Variants in PAPSS1 observed in about 807,000 individuals in gnomAD.
PAPSS1 encodes the protein bifunctional 3'-phosphoadenosine 5'-phosphosulfate synthase 1.
A neutral mutation model predicts 72.0 loss-of-function variants in PAPSS1; 50 were observed. That is an observed-to-expected ratio of 0.69 (90% confidence interval 0.55 to 0.88). PAPSS1 has a LOEUF of 0.88. PAPSS1 is among the 40% of genes least tolerant of loss of function. The probability of loss-of-function intolerance (pLI) is 0.00; values close to 1 mark genes in which losing one functional copy is unlikely to be tolerated. For missense variants in PAPSS1, 657 were observed against 782.2 expected, an observed-to-expected ratio of 0.84 and a Z score of 1.91; for synonymous variants, 261 against 263.6, an observed-to-expected ratio of 0.99 and a Z score of 0.09.
chr4:107,660,862 A>C (rs1292639887), intron 5 of PAPSS1, among the ~76,000 whole-genome samples: 1 of 152,190 alleles, frequency 6.6e-6, no homozygotes, highest in Non-Finnish European at 1.5e-5. Context: ...GGCTTTTCAT[A>C]CATGTGTCCA....
chr4:107,693,724 T>G (rs1047472052), intron 3 of PAPSS1, 47 bp downstream of exon 3: 5 of 1,340,478 alleles, frequency 3.7e-6, no homozygotes, highest in Admixed American at 1.7e-5. Flanking sequence ...TGATACCATA[T>G]TCTCAATAAA....
At chr4:107,654,293 A>G (rs1016172559) in intron 8 of PAPSS1, among the ~76,000 whole-genome samples, 1 of 152,180 alleles carries the variant, frequency 6.6e-6, no homozygotes, top group Non-Finnish European at 1.5e-5. Context: ...TTTGAAGAGA[A>G]ATTATATTTC....
At chr4:107,706,118 T>C (rs1225503918) in intron 1 of PAPSS1, among the ~76,000 whole-genome samples, 1 of 152,242 alleles carries the variant, frequency 6.6e-6, no homozygotes, top group Non-Finnish European at 1.5e-5. Flanking sequence ...ACTATATGTC[T>C]TGAGGTAGTC....
intron 5 of PAPSS1, among the ~76,000 whole-genome samples, chr4:107,670,927 C>A (rs1040268066): frequency 2.0e-5 from 3 of 152,174 alleles, no homozygotes; most frequent in African/African-American, 7.2e-5. Flanking sequence ...TTAGACTACA[C>A]TTTAGAAAGA....
intron 5 of PAPSS1, among the ~76,000 whole-genome samples, chr4:107,660,500 T>C (rs936218957): frequency 2.0e-5 from 3 of 152,168 alleles, no homozygotes; most frequent in Admixed American, 6.6e-5. Context: ...AGCCACCTTT[T>C]ACCCAAGCAA....
chr4:107,681,404 T>G (rs1191033624), intron 5 of PAPSS1, among the ~76,000 whole-genome samples: 2 of 152,116 alleles, frequency 1.3e-5, no homozygotes, highest in African/African-American at 4.8e-5. Flanking sequence ...GAGGGTAGTA[T>G]GGACAAAACA....
chr4:107,631,696 T>C lies in PAPSS1; in HGVS notation c.1671A>G (p.Ile557Met). The change falls in exon 11 of 12, where the codon ATA becomes ATG. Residue 557 changes from isoleucine (I) to methionine (M), a missense_variant. Transcript: ENST00000265174. ...TMAPGLITLEIVPFRVAAYNK... is the reference protein window; with the variant it reads ...TMAPGLITLEMVPFRVAAYNK... ...TGTAAGCTGCAACTCGAAAGGGAAC[T>C]ATTTCCAAAGTGATTAAACCAGGGG... 2 of 1,614,146 alleles carry C rather than the reference T, an allele frequency of 1.2e-6. No homozygotes were observed. Among genetic ancestry groups the C allele is most frequent in the Non-Finnish European group, 1.7e-6 (2 of 1,180,000 alleles).
At chr4:107,683,761 T>C (rs1437795494) in intron 4 of PAPSS1, among the ~76,000 whole-genome samples, 3 of 152,182 alleles carry the variant, frequency 2.0e-5, no homozygotes, top group East Asian at 1.9e-4. Context: ...ATAAATGTCA[T>C]GTAAAGGTCT....
In PAPSS1 at chr4:107,614,377, A is replaced by T; in HGVS notation, c.1747T>A (p.Phe583Ile). ...DYYDSEHHED[F>I]EFISGTRMRK... ...ATTCGTGTTCCTGAAATAAATTCAA[A>T]GTCTTCATGGCTAAAGGAGAGGAAA... Residue 583 changes from phenylalanine (F) to isoleucine (I), a missense_variant, in exon 12 of 12, where the codon TTT becomes ATT. By Grantham distance (21) the Phe-to-Ile change is conservative. Coordinates refer to ENST00000265174, the MANE Select transcript of PAPSS1 (RefSeq NM_005443.5). The T allele has an allele frequency of 6.2e-7, 1 of 1,613,484 alleles. No individual in the cohort carries two copies.
At chr4:107,681,896 C>T (rs904297629) in intron 5 of PAPSS1, 119 bp downstream of exon 5, 2 of 605,354 alleles carry the variant, frequency 3.3e-6, no homozygotes, top group African/African-American at 1.8e-5. Context: ...GTTGGCATTT[C>T]GAAGCATTTA....
At chr4:107,661,746 A>C (rs753418248) in intron 5 of PAPSS1, among the ~76,000 whole-genome samples, 1 of 152,198 alleles carries the variant, frequency 6.6e-6, no homozygotes, top group Admixed American at 6.5e-5. Flanking sequence ...ATTTTTCCTG[A>C]GGAATAGATG....
intron 10 of PAPSS1, among the ~76,000 whole-genome samples, chr4:107,634,805 T>TTTTA (rs2110304649): frequency 6.8e-6 from 1 of 146,682 alleles, no homozygotes; most frequent in Non-Finnish European, 1.5e-5. Context: ...ACATTTTTTT[T>TTTTA]TTTTTTTTTT....
chr4:107,694,186 A>G, intron 2 of PAPSS1, 180 bp from the exon 3 acceptor site: 1 of 567,102 alleles, frequency 1.8e-6, no homozygotes, highest in South Asian at 2.3e-5. Context: ...TCAGCCTTCC[A>G]AATAGCTAGG....
intron 1 of PAPSS1, among the ~76,000 whole-genome samples, chr4:107,705,719 A>C (rs558955280): frequency 1.3e-5 from 2 of 152,346 alleles, no homozygotes; most frequent in Non-Finnish European, 2.9e-5. Context: ...TTGTCACACG[A>C]CAATTACAGT....
chr4:107,659,450 C>T (rs1221192242), intron 6 of PAPSS1, among the ~76,000 whole-genome samples: 1 of 151,976 alleles, frequency 6.6e-6, no homozygotes, highest in Non-Finnish European at 1.5e-5. Flanking sequence ...CTCTAAGACT[C>T]GAAAATGATA....
Position 107,687,191 on chromosome 4 carries a change from AAAAT to A in PAPSS1, c.412-18_412-15del, listed in dbSNP as rs779053199. 5.8e-6 allele frequency: 9 copies of A among 1,539,832 alleles called. No homozygotes were observed. The Admixed American group carries it at 2.1e-4, about 36-fold the overall frequency. ...ATTGTTGCGATCCTTAAAAAAAAAT[AAAAT>A]AAAAAGTGATCACACAAATCACAAA... On this transcript the variant is annotated splice_polypyrimidine_tract_variant and intron_variant, in intron 3 of 11. Coordinates refer to ENST00000265174, the MANE Select transcript of PAPSS1 (RefSeq NM_005443.5).
At chr4:107,617,982 T>C (rs890442297) in intron 11 of PAPSS1, among the ~76,000 whole-genome samples, 34 of 152,126 alleles carry the variant, frequency 2.2e-4, no homozygotes, top group African/African-American at 6.8e-4. Context: ...GAAATGAGCC[T>C]AGAAAAATAA....
At chr4:107,708,521 T>C (rs1035289840) in intron 1 of PAPSS1, among the ~76,000 whole-genome samples, 9 of 152,268 alleles carry the variant, frequency 5.9e-5, no homozygotes, top group Admixed American at 4.6e-4. Flanking sequence ...CTAATGAATT[T>C]TAATTGATTT....
At chr4:107,681,321 C>T (rs1722588123) in intron 5 of PAPSS1, among the ~76,000 whole-genome samples, 1 of 152,062 alleles carries the variant, frequency 6.6e-6, no homozygotes, top group Admixed American at 6.5e-5. Context: ...AAGACCTCCA[C>T]CCACATAGAG....
Sources: allele counts gnomAD v4.1 joint callset (sites outside exome capture counted in the v4.1 genomes callset), GRCh38; gene constraint gnomAD v4.1.1; transcripts MANE v1.5; gene names NCBI Gene and HGNC (gene_info 2026-07-23, HGNC 2026-07-21).